Variants in NAV2 observed in about 807,000 individuals in gnomAD.
The protein encoded by NAV2 is neuron navigator 2.
A neutral mutation model predicts 223.2 loss-of-function variants in NAV2; 54 were observed. That is an observed-to-expected ratio of 0.24 (90% CI 0.19 to 0.30). The LOEUF is 0.30. NAV2 is among the 10% of genes least tolerant of loss of function. The pLI, the probability that NAV2 is intolerant of heterozygous loss-of-function variation, is 1.00. For missense variants in NAV2, 2,806 were observed against 3,147.5 expected, an observed-to-expected ratio of 0.89 and a Z score of 2.60; for synonymous variants, 1,279 against 1,239.3, an observed-to-expected ratio of 1.03 and a Z score of -0.67.
rs927528310 is a variant in NAV2 at position 19,822,282 on chromosome 11, G to A, written c.268-10202G>A. On this transcript the variant is annotated intron_variant, in intron 1 of 37. Transcript: ENST00000349880. ...TACTAAAACTATCAGGAAATGCTTGGAGCATGTTTGGAACTAAATTATCTG... is the reference window on the plus strand; with the variant it reads ...TACTAAAACTATCAGGAAATGCTTGAAGCATGTTTGGAACTAAATTATCTG... Among the ~76,000 whole-genome samples the A allele has an allele frequency of 1.3e-4, 20 of 152,140 alleles. 1 individual carries two copies. The highest frequency in any genetic ancestry group is 4.8e-4 in the African/African-American group (20 of 41,426).
intron 1 of NAV2, among the ~76,000 whole-genome samples, chr11:19,528,034 A>C (rs926727666): frequency 6.6e-6 from 1 of 152,074 alleles, no homozygotes; most frequent in Non-Finnish European, 1.5e-5. Context: ...GCAGTGGGGA[A>C]GTTTTCCCAG....
intron 10 of NAV2, among the ~76,000 whole-genome samples, chr11:19,949,501 G>T (rs973193055): frequency 6.6e-6 from 1 of 152,066 alleles, no homozygotes; most frequent in Non-Finnish European, 1.5e-5. Context: ...AGCTCTTTCC[G>T]GCCTCACAGC....
Position 20,025,368 on chromosome 11 carries a change from A to G in NAV2, c.2769-10591A>G, listed in dbSNP as rs531494862. Among the ~76,000 whole-genome samples, 3 of 152,396 alleles carry G rather than the reference A, an allele frequency of 2.0e-5. No individual in the cohort carries two copies. The South Asian group carries it at 6.2e-4, about 32-fold the overall frequency. On this transcript the variant is annotated intron_variant, in intron 11 of 37. Transcript: ENST00000349880. ...AGGGGAAATATATCTTCTGGTAAACAGAAAACTAGGATGAGTTTGTTGATA... is the reference window on the plus strand; with the variant it reads ...AGGGGAAATATATCTTCTGGTAAACGGAAAACTAGGATGAGTTTGTTGATA...
chr11:19,544,788 G>A (rs1489765465), intron 1 of NAV2, among the ~76,000 whole-genome samples: 1 of 152,222 alleles, frequency 6.6e-6, no homozygotes, highest in Non-Finnish European at 1.5e-5. Context: ...GGCTGGAGGT[G>A]AGCCTGCCCC....
chr11:19,870,774 C>T (rs537790501), intron 4 of NAV2, among the ~76,000 whole-genome samples: 7 of 152,250 alleles, frequency 4.6e-5, no homozygotes, highest in Admixed American at 3.9e-4. Flanking sequence ...AGGTTATGAG[C>T]GGCATCCCTG....
chr11:20,037,561 T>C (rs2056508681), intron 12 of NAV2, among the ~76,000 whole-genome samples: 1 of 152,216 alleles, frequency 6.6e-6, no homozygotes, highest in South Asian at 2.1e-4. Flanking sequence ...GTGGTGGTAG[T>C]TGTTTTAAGA....
Position 19,896,160 on chromosome 11 carries a change from A to G in NAV2, c.931+3566A>G, listed in dbSNP as rs946210315. ...TCTCAGGTGAGCCAATTCATAGACTACTTTTTCAAAAAGTAGTGGCAAAAT... is the reference window on the plus strand; with the variant it reads ...TCTCAGGTGAGCCAATTCATAGACTGCTTTTTCAAAAAGTAGTGGCAAAAT... On this transcript the variant is annotated intron_variant, in intron 6 of 37. Transcript: ENST00000349880. Among the ~76,000 whole-genome samples, 6 of 152,080 alleles carry G rather than the reference A, an allele frequency of 3.9e-5. No individual in the cohort carries two copies. In the East Asian group the frequency reaches 1.2e-3, roughly 29 times the overall value.
intron 18 of NAV2, 141 bp from the exon 19 acceptor site, chr11:20,055,628 A>G: frequency 1.4e-6 from 1 of 724,752 alleles, no homozygotes; most frequent in Non-Finnish European, 2.2e-6. Context: ...TGCTGATGGG[A>G]CTACCTTTTA....
chr11:19,434,304 T>A (rs1194814933), intron 1 of NAV2, among the ~76,000 whole-genome samples: 2 of 152,202 alleles, frequency 1.3e-5, no homozygotes, highest in African/African-American at 4.8e-5. Context: ...TATTAAGGCA[T>A]CTTGGTCCCT....
chr11:19,798,076 C>T (rs1046850849), intron 1 of NAV2, among the ~76,000 whole-genome samples: 1 of 152,156 alleles, frequency 6.6e-6, no homozygotes, highest in Non-Finnish European at 1.5e-5. Context: ...TCAGCATAGA[C>T]AGACACACAT....
intron 27 of NAV2, 108 bp from the exon 28 acceptor site, chr11:20,092,098 T>C: frequency 9.3e-7 from 1 of 1,079,362 alleles, no homozygotes; most frequent in Non-Finnish European, 1.4e-6. Flanking sequence ...TCGCCTTGGG[T>C]GGAAGACCAG....
At chr11:19,757,111 C>T (rs2054298314) in intron 1 of NAV2, among the ~76,000 whole-genome samples, 1 of 152,276 alleles carries the variant, frequency 6.6e-6, no homozygotes, top group South Asian at 2.1e-4. Context: ...ACCACTTCAG[C>T]GCCCTGCTCT....
At chr11:19,932,236 C>CAAAAAAAAAAAAAAAAAAAAAAAA (rs398015484) in intron 6 of NAV2, among the ~76,000 whole-genome samples, 1 of 78,988 alleles carries the variant, frequency 1.3e-5, no homozygotes, top group Non-Finnish European at 2.1e-5. Context: ...CACTCTTAAG[C>CAAAAAAAAAAAAAAAAAAAAAAAA]AAAAAAAAAA....
At chr11:19,495,135 A>G (rs918386075) in intron 1 of NAV2, among the ~76,000 whole-genome samples, 1 of 152,232 alleles carries the variant, frequency 6.6e-6, no homozygotes, top group African/African-American at 2.4e-5. Context: ...AGGTCACAGC[A>G]TGAACTCAGC....
At chr11:19,694,638 C>T (rs897668927) in intron 1 of NAV2, among the ~76,000 whole-genome samples, 4 of 152,226 alleles carry the variant, frequency 2.6e-5, no homozygotes, top group Non-Finnish European at 5.9e-5. Flanking sequence ...AGAACTCCCA[C>T]TGTCACTTCC....
At chr11:20,084,781 C>A (rs893793948) in intron 26 of NAV2, among the ~76,000 whole-genome samples, 3 of 152,150 alleles carry the variant, frequency 2.0e-5, no homozygotes, top group African/African-American at 7.2e-5. Context: ...TCAGTTGTCT[C>A]CTGACCAGGA....
intron 8 of NAV2, among the ~76,000 whole-genome samples, chr11:19,944,543 T>C (rs770227995): frequency 4.6e-5 from 7 of 150,698 alleles, no homozygotes; most frequent in Non-Finnish European, 1.0e-4. Flanking sequence ...TTCCATTCCG[T>C]TCCATTTCTT....
intron 1 of NAV2, among the ~76,000 whole-genome samples, chr11:19,652,345 C>G (rs1011617563): frequency 1.3e-5 from 2 of 152,138 alleles, no homozygotes; most frequent in Non-Finnish European, 2.9e-5. Context: ...TGGGTCAAGG[C>G]AGCCTCCATC....
chr11:19,622,817 C>T (rs555205159), intron 1 of NAV2, among the ~76,000 whole-genome samples: 6 of 152,160 alleles, frequency 3.9e-5, no homozygotes, highest in African/African-American at 1.4e-4. Flanking sequence ...ATGATGTTAG[C>T]TGAGTATTTT....
Sources: allele counts gnomAD v4.1 joint callset (sites outside exome capture counted in the v4.1 genomes callset), GRCh38; gene constraint gnomAD v4.1.1; transcripts MANE v1.5; gene names NCBI Gene and HGNC (gene_info 2026-07-23, HGNC 2026-07-21).